ASB2: variants seen among roughly 807,000 people sequenced by gnomAD.
ASB2 encodes the protein ankyrin repeat and SOCS box containing 2.
ASB2 carries 58 observed loss-of-function variants against 62.4 expected under a neutral mutation model. That is an observed-to-expected ratio of 0.93 (90% CI 0.75 to 1.16). The LOEUF is 1.16. Ranked by LOEUF, ASB2 falls within the 50% of genes most tolerant of loss-of-function variation. ASB2 has a pLI of 0.00. For synonymous variants in ASB2, 386 were observed against 385.3 expected (o/e 1.00, Z -0.02); for missense variants, 928 against 887.9 (o/e 1.05, Z -0.57).
Position 93,947,488 on chromosome 14 carries a change from C to T in ASB2, c.913G>A (p.Ala305Thr), listed in dbSNP as rs750583189. The change falls in exon 7 of 10, where the codon GCG (alanine) becomes ACG (threonine). Residue 305 changes from alanine to threonine, a missense_variant. By Grantham distance (58) the Ala-to-Thr change is moderately conservative. Coordinates refer to ENST00000555019, the MANE Select transcript of ASB2 (RefSeq NM_001202429.2). ...TTGCAGGCCTCGTAGAGGGCAGACG[C>T]GTTGTCGCTGGCCTGCGTGTTGATG... ...ADINTQASDN[A>T]SALYEACKNE... The T allele has an allele frequency of 1.2e-5, 20 of 1,614,048 alleles. No individual in the cohort carries two copies. Among genetic ancestry groups the T allele is most frequent in the African/African-American group, 5.3e-5 (4 of 74,948 alleles).
chr14:93,976,142 T>C (rs1200318541), intron 1 of ASB2, among the ~76,000 whole-genome samples: 1 of 152,236 alleles, frequency 6.6e-6, no homozygotes, highest in Non-Finnish European at 1.5e-5. Context: ...AATAGCATCA[T>C]TGATAAGTCC....
intron 9 of ASB2, among the ~76,000 whole-genome samples, chr14:93,936,601 A>G (rs571917014): frequency 2.9e-4 from 44 of 152,374 alleles, no homozygotes; most frequent in African/African-American, 1.0e-3. Context: ...CAAAGGCTTC[A>G]ATTCAAGTGG....
At chr14:93,962,107 C>CTTTTTTTTTTTT (rs35800977) in intron 2 of ASB2, among the ~76,000 whole-genome samples, 4 of 73,018 alleles carry the variant, frequency 5.5e-5, no homozygotes, top group Admixed American at 2.2e-4. Context: ...ATTAAACATT[C>CTTTTTTTTTTTT]TTTTTTTTTT....
Position 93,961,271 on chromosome 14 carries a change from G to C in ASB2, c.206+3063C>G, listed in dbSNP as rs535935995. ...ATAAAGATGAGGCCACTGGGGCTCA[G>C]ATAGGGTTAGCCACCCACCTAAGGT... On this transcript the variant is annotated intron_variant, in intron 2 of 9. Transcript: ENST00000555019. Among the ~76,000 whole-genome samples, 8 of 152,372 alleles carry C rather than the reference G, an allele frequency of 5.3e-5. No individual in the cohort carries two copies. The South Asian group carries it at 1.7e-3, about 32-fold the overall frequency.
At chr14:93,935,485 C>G (rs1019369333) in intron 9 of ASB2, among the ~76,000 whole-genome samples, 6 of 152,238 alleles carry the variant, frequency 3.9e-5, no homozygotes, top group Admixed American at 6.5e-5. Flanking sequence ...TTGCACCTAG[C>G]TCTGTGCTTG....
At chr14:93,945,768 A>C (rs988465217) in intron 7 of ASB2, among the ~76,000 whole-genome samples, 2 of 152,094 alleles carry the variant, frequency 1.3e-5, no homozygotes, top group African/African-American at 4.8e-5. Flanking sequence ...TGGAGCTTTA[A>C]GGGGCGGCTC....
chr14:93,961,865 G>A (rs1316605777), intron 2 of ASB2, among the ~76,000 whole-genome samples: 1 of 152,176 alleles, frequency 6.6e-6, no homozygotes, highest in African/African-American at 2.4e-5. Flanking sequence ...AGGTGGGGTA[G>A]GGGAAGGAAA....
chr14:93,955,779 G>C (rs931719243), intron 3 of ASB2, among the ~76,000 whole-genome samples: 1 of 152,170 alleles, frequency 6.6e-6, no homozygotes, highest in African/African-American at 2.4e-5. Flanking sequence ...AGTGGGGGAG[G>C]GTTCTGGGGG....
intron 8 of ASB2, 45 bp from the exon 9 acceptor site, chr14:93,937,896 T>C: frequency 6.4e-7 from 1 of 1,552,556 alleles, no homozygotes; most frequent in Non-Finnish European, 8.8e-7. Flanking sequence ...TCATCCCACC[T>C]GCAAGAGCCT....
At chr14:93,944,130 G>A (rs553554843) in intron 7 of ASB2, 6 of 392,466 alleles carry the variant, frequency 1.5e-5, no homozygotes, top group East Asian at 7.2e-5. Flanking sequence ...CCAGACCAGC[G>A]GCAGCGCCAT....
rs755763328 is a variant in ASB2 at position 93,951,139 on chromosome 14, G to C, written c.740C>G (p.Ser247Cys). The C allele has an allele frequency of 2.5e-6, 4 of 1,614,228 alleles. No homozygotes were observed. In the South Asian group the frequency reaches 4.4e-5, roughly 18 times the overall value. ...RGWTALHESV[S>C]RNDLEVMQIL... is the part of the protein sequence containing the mutation. ...CTGCATGACCTCCAGGTCATTGCGA[G>C]ACACAGACTCGTGCAGAGCGGTCCA... The change falls in exon 6 of 10, where the codon TCT (serine) becomes TGT (cysteine). Residue 247 changes from serine to cysteine, a missense_variant. By Grantham distance (112) the Ser-to-Cys change is moderately radical (BLOSUM62 -1). Transcript: ENST00000555019.
chr14:93,974,791 C>G (rs1021187097), intron 1 of ASB2, among the ~76,000 whole-genome samples: 1 of 152,196 alleles, frequency 6.6e-6, no homozygotes, highest in African/African-American at 2.4e-5. Context: ...TAGCCTTGAC[C>G]GAAGTCAGTG....
intron 6 of ASB2, among the ~76,000 whole-genome samples, chr14:93,949,370 A>G (rs962275750): frequency 6.6e-6 from 1 of 152,260 alleles, no homozygotes; most frequent in Admixed American, 6.5e-5. Flanking sequence ...AGTCTCAGAA[A>G]GCCTTTAGGA....
intron 2 of ASB2, among the ~76,000 whole-genome samples, chr14:93,962,130 T>C (rs1282544243): frequency 2.2e-5 from 3 of 134,572 alleles, no homozygotes; most frequent in Admixed American, 7.3e-5. Flanking sequence ...TTTTTTTTTT[T>C]TTGAGATGGA....
intron 1 of ASB2, among the ~76,000 whole-genome samples, chr14:93,971,682 C>T (rs899490293): frequency 1.3e-5 from 2 of 152,280 alleles, no homozygotes; most frequent in Admixed American, 1.3e-4. Flanking sequence ...ATTTCTCTCT[C>T]ATATTTGTCT....
intron 3 of ASB2, 92 bp from the exon 4 acceptor site, chr14:93,954,575 C>T (rs572897540): frequency 2.8e-4 from 330 of 1,171,262 alleles, no homozygotes; most frequent in Non-Finnish European, 3.8e-4. Flanking sequence ...TGGAGTCACT[C>T]GGTCCTCGTC....
rs144754076 is a variant in ASB2, at chr14:93,958,390, G to C, written c.207-1520C>G. 7.1e-3 allele frequency among the ~76,000 whole-genome samples: 1,085 copies of C among 152,272 alleles called. 14 individuals carry two copies. The highest frequency in any genetic ancestry group is 0.025 in the African/African-American group (1,035 of 41,548). ...TGGAGCAGAGGTTCAGACTACCACTGTCCGCCCAGCTCCTGATGCCACCCT... is the reference window on the plus strand; with the variant it reads ...TGGAGCAGAGGTTCAGACTACCACTCTCCGCCCAGCTCCTGATGCCACCCT... On this transcript the variant is annotated intron_variant, in intron 2 of 9. Coordinates refer to ENST00000555019, the MANE Select transcript of ASB2 (RefSeq NM_001202429.2).
At position 93,951,007 on chromosome 14, in the gene ASB2, G is replaced by C. The variant is rs749795464; in HGVS notation, c.872C>G (p.Ala291Gly). The change falls in exon 6 of 10, where the codon GCC becomes GGC. Residue 291 changes from alanine to glycine, a missense_variant. Ala to Gly is a moderately conservative substitution (Grantham distance 60). Transcript: ENST00000555019. ...SGQLEALRFL[A>G]KYGADINTQA... ...GACCCTTAGCCACTCACCGTACTTG[G>C]CTAAGAACCTCAAGGCCTCCAACTG... 9.9e-6 allele frequency: 16 copies of C among 1,613,332 alleles called. No homozygotes were observed. The South Asian group carries it at 1.5e-4, about 16-fold the overall frequency.
chr14:93,972,918 G>A (rs1889801325), intron 1 of ASB2, among the ~76,000 whole-genome samples: 1 of 152,142 alleles, frequency 6.6e-6, no homozygotes, highest in Admixed American at 6.5e-5. Context: ...CACCCACAAA[G>A]GCCAAGCTTC....
Sources: allele counts gnomAD v4.1 joint callset (sites outside exome capture counted in the v4.1 genomes callset), GRCh38; gene constraint gnomAD v4.1.1; transcripts MANE v1.5; gene names NCBI Gene and HGNC (gene_info 2026-07-23, HGNC 2026-07-21).